Variants in HERC3 observed in about 807,000 individuals in gnomAD.
HERC3 encodes probable E3 ubiquitin-protein ligase HERC3.
In HERC3, 58 loss-of-function variants were observed where a neutral mutation model predicts 129.9. That is an observed-to-expected ratio of 0.45 (90% CI 0.36 to 0.56). HERC3 has a LOEUF of 0.56. Ranked by LOEUF, HERC3 falls within the 20% of genes least tolerant of loss-of-function variation. The pLI is 0.00. For synonymous variants in HERC3, 430 were observed against 451.0 expected, an observed-to-expected ratio of 0.95 and a Z score of 0.59; for missense variants, 835 against 1,244.2, an observed-to-expected ratio of 0.67 and a Z score of 4.95.
chr4:88,580,519 T>TA, the HERC3 span, among the ~76,000 whole-genome samples: 1 of 151,756 alleles, frequency 6.6e-6, no homozygotes, highest in East Asian at 1.9e-4. Context: ...TGTCTCAATT[T>TA]AAAAAAAGGA....
At chr4:88,538,173 T>TA in the HERC3 span, among the ~76,000 whole-genome samples, 1 of 152,218 alleles carries the variant, frequency 6.6e-6, no homozygotes, top group South Asian at 2.1e-4. Flanking sequence ...GGGAGGTTCT[T>TA]AAACTATTCT....
chr4:88,664,124 C>T, intron 11 of HERC3, 29 bp from the exon 12 acceptor site: 1 of 1,588,032 alleles, frequency 6.3e-7, no homozygotes, highest in East Asian at 2.3e-5. Flanking sequence ...TTATTAAAGG[C>T]TTCCCCCTCC....
the HERC3 span, among the ~76,000 whole-genome samples, chr4:88,575,399 G>A: frequency 2.0e-5 from 3 of 152,196 alleles, no homozygotes; most frequent in African/African-American, 7.2e-5. Flanking sequence ...GCCTGTCAAA[G>A]CTGACAAGCA....
the HERC3 span, among the ~76,000 whole-genome samples, chr4:88,565,926 T>A: frequency 2.0e-5 from 3 of 152,146 alleles, no homozygotes; most frequent in Non-Finnish European, 4.4e-5. Flanking sequence ...GCTTTTTATT[T>A]TTTGTGTATC....
chr4:88,597,176 G>A (rs1299848243), intron 2 of HERC3, among the ~76,000 whole-genome samples: 1 of 152,116 alleles, frequency 6.6e-6, no homozygotes, highest in South Asian at 2.1e-4. Context: ...GCATTGGACT[G>A]TAAGATAGCC....
the HERC3 span, chr4:88,583,936 C>G: frequency 6.6e-6 from 1 of 152,242 alleles, no homozygotes; most frequent in East Asian, 1.9e-4. Flanking sequence ...GGCAATTAAC[C>G]TGGTGACAGA....
intron 2 of HERC3, among the ~76,000 whole-genome samples, chr4:88,600,518 C>A (rs1722861586): frequency 6.6e-6 from 1 of 152,230 alleles, no homozygotes. Flanking sequence ...TTAACATTTT[C>A]TTGACCCTGT....
chr4:88,545,431 T>TTTTC, the HERC3 span, among the ~76,000 whole-genome samples: 1 of 43,792 alleles, frequency 2.3e-5, no homozygotes, highest in South Asian at 8.0e-4. Context: ...TTGAGAATTC[T>TTTTC]TTTTTTTTTT....
intron 3 of HERC3, among the ~76,000 whole-genome samples, chr4:88,644,604 A>T (rs1728499210): frequency 6.6e-6 from 1 of 152,172 alleles, no homozygotes; most frequent in Non-Finnish European, 1.5e-5. Context: ...GTTAAGGATG[A>T]GGAGAGGATG....
the HERC3 span, chr4:88,527,726 G>A: frequency 1.3e-5 from 4 of 302,256 alleles, no homozygotes; most frequent in South Asian, 1.3e-4. Flanking sequence ...GGCTGCATAG[G>A]TTCTGTCAAG....
chr4:88,558,233 A>G, the HERC3 span, among the ~76,000 whole-genome samples: 1 of 152,180 alleles, frequency 6.6e-6, no homozygotes, highest in African/African-American at 2.4e-5. Context: ...AGCCATTGGG[A>G]AGATGTGGAA....
chr4:88,686,231 T>G (rs1255718207), intron 21 of HERC3, among the ~76,000 whole-genome samples: 1 of 152,210 alleles, frequency 6.6e-6, no homozygotes, highest in Non-Finnish European at 1.5e-5. Flanking sequence ...GCCAAAAGAT[T>G]GGGCACCCCT....
chr4:88,678,186 C>A, intron 19 of HERC3, 52 bp downstream of exon 19: 1 of 1,508,266 alleles, frequency 6.6e-7, no homozygotes, highest in Non-Finnish European at 9.2e-7. Flanking sequence ...TTTCTTTGAA[C>A]AGTGTTGATT....
intron 3 of HERC3, among the ~76,000 whole-genome samples, chr4:88,606,447 A>C (rs987448481): frequency 2.0e-5 from 3 of 151,956 alleles, no homozygotes; most frequent in African/African-American, 7.3e-5. Context: ...GAACATATGT[A>C]ATATCAGTTA....
At chr4:88,562,520 C>A in the HERC3 span, among the ~76,000 whole-genome samples, 5 of 152,004 alleles carry the variant, frequency 3.3e-5, no homozygotes, top group African/African-American at 7.2e-5. Context: ...TCCCATGTGT[C>A]CATTTTTTGC....
intron 2 of HERC3, among the ~76,000 whole-genome samples, chr4:88,601,557 T>C (rs1300871584): frequency 6.6e-6 from 1 of 152,218 alleles, no homozygotes; most frequent in Non-Finnish European, 1.5e-5. Flanking sequence ...CGCCTAGTAT[T>C]ATAATTCAAA....
intron 3 of HERC3, among the ~76,000 whole-genome samples, chr4:88,613,031 C>T (rs570702811): frequency 1.3e-5 from 2 of 152,270 alleles, no homozygotes; most frequent in South Asian, 2.1e-4. Flanking sequence ...CTCCTTTCCT[C>T]ATACATACTC....
chr4:88,640,890 CT>C (rs557414815), intron 3 of HERC3, among the ~76,000 whole-genome samples: 6 of 152,050 alleles, frequency 3.9e-5, no homozygotes, highest in African/African-American at 9.7e-5. Flanking sequence ...ACTTTTTACT[CT>C]TTTTTGTGAT....
chr4:88,609,293 A>AAAC (rs895123425), intron 3 of HERC3, among the ~76,000 whole-genome samples: 3 of 152,142 alleles, frequency 2.0e-5, no homozygotes, highest in Non-Finnish European at 4.4e-5. Flanking sequence ...AAAACAAAAC[A>AAAC]AACAACAACA....
Sources: allele counts gnomAD v4.1 joint callset (sites outside exome capture counted in the v4.1 genomes callset), GRCh38; gene constraint gnomAD v4.1.1; transcripts MANE v1.5; gene names NCBI Gene and HGNC (gene_info 2026-07-23, HGNC 2026-07-21).